VAV3: variants seen among roughly 807,000 people sequenced by gnomAD.
VAV3 encodes guanine nucleotide exchange factor VAV3.
VAV3 carries 94 observed loss-of-function variants against 131.2 expected under a neutral mutation model. The ratio of observed to expected loss-of-function variants is 0.72; its 90% CI spans 0.61 to 0.85. VAV3 has a LOEUF of 0.85. VAV3 is among the 40% of genes least tolerant of loss of function. VAV3 has a pLI of 0.00. For missense variants in VAV3, 939 were observed against 1,002.7 expected, an observed-to-expected ratio of 0.94 and a Z score of 0.86; for synonymous variants, 349 against 342.0, an observed-to-expected ratio of 1.02 and a Z score of -0.22.
chr1:107,664,542 C>T (rs910118458), intron 19 of VAV3, among the ~76,000 whole-genome samples: 1 of 152,178 alleles, frequency 6.6e-6, no homozygotes, highest in Non-Finnish European at 1.5e-5. Flanking sequence ...ACACCACAAA[C>T]CAGTGTTCCC....
chr1:107,855,843 A>G (rs978999305), intron 2 of VAV3, among the ~76,000 whole-genome samples: 1 of 152,188 alleles, frequency 6.6e-6, no homozygotes, highest in Non-Finnish European at 1.5e-5. Context: ...CTTTGTGTCA[A>G]CTCTAGAAAA....
intron 2 of VAV3, among the ~76,000 whole-genome samples, chr1:107,836,103 A>G (rs1268600664): frequency 2.6e-5 from 4 of 152,252 alleles, no homozygotes; most frequent in African/African-American, 9.6e-5. Flanking sequence ...CACTCCACTG[A>G]CAGCATTAGA....
At chr1:107,862,976 CA>C (rs1051639875) in intron 2 of VAV3, among the ~76,000 whole-genome samples, 1 of 151,336 alleles carries the variant, frequency 6.6e-6, no homozygotes, top group African/African-American at 2.4e-5. Context: ...AACTGAACAT[CA>C]AAAAAAGGAA....
intron 19 of VAV3, among the ~76,000 whole-genome samples, chr1:107,667,062 C>T (rs1045521004): frequency 1.3e-4 from 20 of 152,218 alleles, no homozygotes; most frequent in Non-Finnish European, 2.8e-4. Context: ...AACAAGACAA[C>T]AGCATGGCTA....
chr1:107,844,819 A>G (rs1668892017), intron 2 of VAV3, among the ~76,000 whole-genome samples: 1 of 152,188 alleles, frequency 6.6e-6, no homozygotes, highest in South Asian at 2.1e-4. Context: ...GGGCTTATAG[A>G]TAAAACTCCC....
In VAV3 at chr1:107,862,187, T is replaced by A. The variant is rs1009885253; in HGVS notation, c.321+12714A>T. ...CAAGTGACTCAGAAACTAAACTCTA[T>A]CCAGAGGAAGCCTGCGCAGCCGGAC... On this transcript the variant is annotated intron_variant, in intron 2 of 26. Coordinates refer to ENST00000370056, the MANE Select transcript of VAV3 (RefSeq NM_006113.5). Among the ~76,000 whole-genome samples the A allele has an allele frequency of 2.6e-5, 4 of 151,448 alleles. 1 individual carries two copies. The highest frequency in any genetic ancestry group is 5.9e-5 in the Non-Finnish European group (4 of 67,794).
chr1:107,623,208 G>C (rs1653735568), intron 20 of VAV3, among the ~76,000 whole-genome samples: 1 of 152,176 alleles, frequency 6.6e-6, no homozygotes, highest in Non-Finnish European at 1.5e-5. Context: ...GCAACCTTTT[G>C]CAAGTTTCAG....
intron 1 of VAV3, among the ~76,000 whole-genome samples, chr1:107,932,678 A>G (rs1187143035): frequency 6.6e-6 from 1 of 152,208 alleles, no homozygotes; most frequent in Non-Finnish European, 1.5e-5. Flanking sequence ...TGAGTCCTAA[A>G]TATAATCACA....
chr1:107,625,774 T>C (rs1653971047), intron 20 of VAV3, among the ~76,000 whole-genome samples: 1 of 152,190 alleles, frequency 6.6e-6, no homozygotes. Context: ...ATAAATTATT[T>C]GGCCACAACT....
At chr1:107,616,860 A>G (rs1418879562) in intron 21 of VAV3, among the ~76,000 whole-genome samples, 1 of 152,168 alleles carries the variant, frequency 6.6e-6, no homozygotes, top group African/African-American at 2.4e-5. Flanking sequence ...GTATTAGTAA[A>G]GAAATTTCAT....
At chr1:107,668,693 T>C in intron 19 of VAV3, 2 of 985,386 alleles carry the variant, frequency 2.0e-6, no homozygotes, top group Non-Finnish European at 2.4e-6. Flanking sequence ...GGAACTATGT[T>C]TGGACAGTCT....
chr1:107,885,355 A>G (rs904731137), intron 1 of VAV3, among the ~76,000 whole-genome samples: 11 of 152,130 alleles, frequency 7.2e-5, no homozygotes, highest in African/African-American at 2.7e-4. Context: ...TGTTACATCA[A>G]TTCACTAAAT....
chr1:107,793,312 G>A (rs989881387), intron 2 of VAV3, among the ~76,000 whole-genome samples: 2 of 152,178 alleles, frequency 1.3e-5, no homozygotes, highest in African/African-American at 2.4e-5. Context: ...TGTCATGAAC[G>A]CTACATAAAT....
At chr1:107,788,330 C>A (rs1424721171) in intron 2 of VAV3, among the ~76,000 whole-genome samples, 2 of 152,066 alleles carry the variant, frequency 1.3e-5, no homozygotes, top group African/African-American at 2.4e-5. Context: ...CCAGGAGCTG[C>A]TGCCCTGCCC....
chr1:107,893,630 A>C (rs560657834), intron 1 of VAV3, among the ~76,000 whole-genome samples: 1 of 152,190 alleles, frequency 6.6e-6, no homozygotes, highest in Non-Finnish European at 1.5e-5. Flanking sequence ...ATCTCATGAG[A>C]CTTATTCACT....
chr1:107,723,898 T>C (rs1174358641), intron 15 of VAV3, among the ~76,000 whole-genome samples: 1 of 152,164 alleles, frequency 6.6e-6, no homozygotes, highest in African/African-American at 2.4e-5. Context: ...ATATCTGACA[T>C]TGGATAAATA....
chr1:107,950,129 A>AT (rs1343154394), intron 1 of VAV3, among the ~76,000 whole-genome samples: 2 of 67,342 alleles, frequency 3.0e-5, no homozygotes, highest in Non-Finnish European at 8.4e-5. Flanking sequence ...AAACCACAAA[A>AT]CAAAAAAAAA....
chr1:107,731,860 T>C (rs991622209), intron 15 of VAV3, among the ~76,000 whole-genome samples: 5 of 152,238 alleles, frequency 3.3e-5, no homozygotes, highest in African/African-American at 1.2e-4. Context: ...TTTTGACCAT[T>C]ATGAAAAGGT....
At chr1:107,839,989 C>T (rs1668626311) in intron 2 of VAV3, among the ~76,000 whole-genome samples, 3 of 152,098 alleles carry the variant, frequency 2.0e-5, no homozygotes, top group Admixed American at 6.6e-5. Context: ...TACCAACAGA[C>T]CTGTATCAGC....
Sources: gnomAD v4.1 joint callset for allele counts (sites outside exome capture counted in the v4.1 genomes callset) on GRCh38, gnomAD v4.1.1 for gene constraint, MANE v1.5 for transcripts, NCBI Gene and HGNC (gene_info 2026-07-23, HGNC 2026-07-21) for gene names.